GAS7: variants seen among roughly 807,000 people sequenced by gnomAD.
GAS7 encodes the protein growth arrest specific 7.
A neutral mutation model predicts 71.1 loss-of-function variants in GAS7; 28 were observed. The observed-to-expected ratio is 0.39, with a 90% CI of 0.29 to 0.54. The LOEUF is 0.54. Among genes scored for constraint, GAS7 ranks in the 20% least tolerant of loss-of-function variants. The pLI is 0.62. For missense variants in GAS7, 436 were observed against 627.8 expected (o/e 0.69, Z 3.27); for synonymous variants, 258 against 245.8 (o/e 1.05, Z -0.46).
chr17:10,185,105 T>C (rs1239881877), intron 1 of GAS7, among the ~76,000 whole-genome samples: 1 of 152,114 alleles, frequency 6.6e-6, no homozygotes, highest in Non-Finnish European at 1.5e-5. Flanking sequence ...TGTGTATTTT[T>C]AGTAGAGACG....
intron 2 of GAS7, among the ~76,000 whole-genome samples, chr17:10,013,196 G>C (rs1207786931): frequency 2.0e-5 from 3 of 151,924 alleles, no homozygotes; most frequent in African/African-American, 7.2e-5. Context: ...TTATGAACCA[G>C]AAAGCAGGCC....
chr17:10,192,098 T>C (rs1444465254), intron 1 of GAS7, among the ~76,000 whole-genome samples: 2 of 152,154 alleles, frequency 1.3e-5, no homozygotes, highest in African/African-American at 2.4e-5. Flanking sequence ...CAAAAACTTC[T>C]CACAGTTCAT....
At chr17:10,085,898 A>G (rs1758827308) in intron 1 of GAS7, among the ~76,000 whole-genome samples, 1 of 151,568 alleles carries the variant, frequency 6.6e-6, no homozygotes. Flanking sequence ...TGACAGAGCC[A>G]GAATTGGAGC....
chr17:10,082,711 C>A (rs1035667466), intron 1 of GAS7, among the ~76,000 whole-genome samples: 1 of 152,184 alleles, frequency 6.6e-6, no homozygotes, highest in African/African-American at 2.4e-5. Context: ...CAGATTTATT[C>A]ATAATAGCTA....
Position 10,121,146 on chromosome 17 carries a change from C to T in GAS7, c.183+77062G>A, listed in dbSNP as rs930853871. ...CTGTAATCCCAGCACTTTGCGAGGCCGAGGAGGGTGGATCACCTGAGGTCG... is the reference window on the plus strand; with the variant it reads ...CTGTAATCCCAGCACTTTGCGAGGCTGAGGAGGGTGGATCACCTGAGGTCG... On this transcript the variant is annotated intron_variant, in intron 1 of 13. Coordinates refer to ENST00000432992, the MANE Select transcript of GAS7 (RefSeq NM_201433.2). Among the ~76,000 whole-genome samples the T allele has an allele frequency of 2.0e-5, 3 of 152,164 alleles. No individual in the cohort carries two copies. In the East Asian group the frequency reaches 5.8e-4, roughly 29 times the overall value.
Position 10,177,034 on chromosome 17 carries a change from G to A in GAS7, c.183+21174C>T, listed in dbSNP as rs552239380. Among the ~76,000 whole-genome samples the A allele has an allele frequency of 2.6e-5, 4 of 152,278 alleles. No individual in the cohort carries two copies. In the East Asian group the frequency reaches 5.8e-4, roughly 22 times the overall value. ...TAGTTACAAAAGTTTAGGAAGTGGC[G>A]TTCCTGGCCCTGCAGAGCTCAGAGT... On this transcript the variant is annotated intron_variant, in intron 1 of 13. Transcript: ENST00000432992.
Position 9,969,554 on chromosome 17 carries a change from A to G in GAS7, c.471+123T>C. 1.5e-6 allele frequency: 1 copy of G among 653,528 alleles called. No individual in the cohort carries two copies. Among genetic ancestry groups the G allele is most frequent in the Admixed American group, 2.4e-5 (1 of 41,282 alleles). 40.5% of individuals were successfully genotyped at this position (653,528 alleles called of 1,614,324 possible). A position where few individuals can be genotyped will look rare whatever the true frequency, so the allele number is the denominator to read the frequency against. ...CTGAAACAACCCAGACACAGCAACC[A>G]CTTTCTACCTGGGGGCAGAACTGGG... On this transcript the variant is annotated intron_variant, in intron 4 of 13. Coordinates refer to ENST00000432992, the MANE Select transcript of GAS7 (RefSeq NM_201433.2). This position sits in a 1 kb window ranked among gnomAD's most constrained non-coding sequence, Gnocchi z 5.5.
chr17:10,061,519 A>G (rs28544079), intron 1 of GAS7: 24,471 of 152,266 alleles, frequency 0.16, 2,126 homozygotes, highest in African/African-American at 0.23. Context: ...AGGCCCCAGC[A>G]AGCAATCCTG....
At chr17:10,136,844 C>A (rs1314391614) in intron 1 of GAS7, among the ~76,000 whole-genome samples, 1 of 152,262 alleles carries the variant, frequency 6.6e-6, no homozygotes, top group East Asian at 1.9e-4. Flanking sequence ...TCTGGCCAGG[C>A]ATCGTGGCTC....
intron 1 of GAS7, among the ~76,000 whole-genome samples, chr17:10,138,792 CA>C (rs959073195): frequency 6.6e-6 from 1 of 151,608 alleles, no homozygotes; most frequent in East Asian, 1.9e-4. Flanking sequence ...CAAAACAAAA[CA>C]AAAAAAACAA....
intron 2 of GAS7, among the ~76,000 whole-genome samples, chr17:9,983,923 C>T (rs1476480423): frequency 6.6e-6 from 1 of 152,212 alleles, no homozygotes; most frequent in Non-Finnish European, 1.5e-5. Context: ...TGGAATCCAG[C>T]TCTGCCTCTC....
intron 1 of GAS7, among the ~76,000 whole-genome samples, chr17:10,181,132 C>A (rs1316823565): frequency 6.7e-6 from 1 of 150,196 alleles, no homozygotes; most frequent in Non-Finnish European, 1.5e-5. Flanking sequence ...GAGGCCAAGG[C>A]GGGCACATCA....
chr17:10,109,675 T>A (rs558345659), intron 1 of GAS7, among the ~76,000 whole-genome samples: 2 of 152,172 alleles, frequency 1.3e-5, no homozygotes, highest in Non-Finnish European at 2.9e-5. Context: ...TTCCAACACT[T>A]TGGGAGGCCA....
chr17:10,053,878 G>T (rs1307560290), intron 1 of GAS7, among the ~76,000 whole-genome samples: 1 of 152,138 alleles, frequency 6.6e-6, no homozygotes, highest in Non-Finnish European at 1.5e-5. Context: ...GCATCAGAGC[G>T]GTGATTCTCA....
rs188471992 is a variant in GAS7, at chr17:10,110,898, T to A, written c.183+87310A>T. Among the ~76,000 whole-genome samples the A allele has an allele frequency of 2.0e-3, 308 of 152,328 alleles. 3 individuals are homozygous for A. The highest frequency in any genetic ancestry group is 4.4e-3 in the Admixed American group (68 of 15,300). ...CACACAGCAATGACTGACGCTAAGG[T>A]TATGGATACCCCAAATACCCTGACT... On this transcript the variant is annotated intron_variant, in intron 1 of 13. Transcript: ENST00000432992.
intron 4 of GAS7, among the ~76,000 whole-genome samples, chr17:9,961,679 G>C (rs972970437): frequency 6.6e-6 from 1 of 152,200 alleles, no homozygotes; most frequent in Non-Finnish European, 1.5e-5. Flanking sequence ...CTCCAGGTTA[G>C]CCATCTGACA....
In GAS7 at chr17:10,039,593, G is replaced by C. The variant is rs141231525; in HGVS notation, c.184-19696C>G. The stretch of plus-strand genomic sequence containing the variant: ...AGCTACTCAGGAGGCTGAGGCAGGA[G>C]AATTACTTGAACCCGGGAGGCAGAG... On this transcript the variant is annotated intron_variant, in intron 1 of 13. Coordinates refer to ENST00000432992, the MANE Select transcript of GAS7 (RefSeq NM_201433.2). 5.0e-3 allele frequency: 1,685 copies of C among 339,412 alleles called. 51 individuals carry two copies. The East Asian group carries it at 0.094, about 19-fold the overall frequency. The allele number at this position is 339,412 out of a possible 1,614,324, so 21.0% of individuals were successfully genotyped here. A position where few individuals can be genotyped will look rare whatever the true frequency, so the allele number is the denominator to read the frequency against.
At chr17:9,925,116 G>T (rs1170390543) in intron 11 of GAS7, among the ~76,000 whole-genome samples, 1 of 152,170 alleles carries the variant, frequency 6.6e-6, no homozygotes, top group Non-Finnish European at 1.5e-5. Context: ...ACAGGGACAG[G>T]GCCCTGAGCT....
intron 1 of GAS7, among the ~76,000 whole-genome samples, chr17:10,135,859 A>G (rs1183935549): frequency 6.6e-6 from 1 of 152,238 alleles, no homozygotes; most frequent in Non-Finnish European, 1.5e-5. Flanking sequence ...GAAGATCAAC[A>G]GAGAACTCAA....
Sources: allele counts gnomAD v4.1 joint callset (sites outside exome capture counted in the v4.1 genomes callset), GRCh38; gene constraint gnomAD v4.1.1; non-coding constraint Gnocchi (gnomAD v3.1); transcripts MANE v1.5; gene names NCBI Gene and HGNC (gene_info 2026-07-23, HGNC 2026-07-21).